The following GLI2 variants were observed in gnomAD, a reference collection of about 807,000 sequenced individuals.
GLI2 encodes transcription activator GLI2.
A neutral mutation model predicts 78.9 loss-of-function variants in GLI2; 22 were observed. The observed-to-expected ratio is 0.28, with a 90% CI of 0.20 to 0.40. GLI2 has a LOEUF of 0.40. GLI2 is among the 10% of genes least tolerant of loss of function. The pLI, the probability that GLI2 is intolerant of heterozygous loss-of-function variation, is 1.00. For missense variants in GLI2, 2,097 were observed against 2,213.2 expected, an observed-to-expected ratio of 0.95 and a Z score of 1.05; for synonymous variants, 974 against 963.7, an observed-to-expected ratio of 1.01 and a Z score of -0.20.
At position 120,990,144 on chromosome 2, in the gene GLI2, G is replaced by A. The variant is rs1290093856; in HGVS notation, c.4179G>A (p.Gln1393=). The part of the protein sequence containing the change: ...GHAMAAMPSS[Q]ETAEAVPKGA... ...CCATGGCTGCCATGCCGTCCAGTCAGGAAACAGCAGAGGCTGTGCCCAAGG... is the reference window on the plus strand; with the variant it reads ...CCATGGCTGCCATGCCGTCCAGTCAAGAAACAGCAGAGGCTGTGCCCAAGG... The change falls in exon 14 of 14, where the codon CAG becomes CAA. Residue 1393 remains glutamine, a synonymous_variant. Transcript: ENST00000361492. 1 of 1,609,896 alleles carries A rather than the reference G, an allele frequency of 6.2e-7. No homozygotes were observed.
intron 1 of GLI2, among the ~76,000 whole-genome samples, chr2:120,786,372 C>T (rs764379903): frequency 1.3e-5 from 2 of 152,120 alleles, no homozygotes; most frequent in African/African-American, 2.4e-5. Context: ...CTCCCACCAC[C>T]GCCATCATCC....
chr2:120,905,947 G>A (rs1213218970), intron 2 of GLI2, among the ~76,000 whole-genome samples: 5 of 150,138 alleles, frequency 3.3e-5, no homozygotes, highest in East Asian at 2.0e-4. Flanking sequence ...CCTGCCCGTC[G>A]TTGGGCTCCG....
intron 2 of GLI2, among the ~76,000 whole-genome samples, chr2:120,908,799 G>A (rs1191811371): frequency 2.6e-5 from 4 of 152,234 alleles, no homozygotes; most frequent in Admixed American, 2.6e-4. Context: ...AGGGTGGGTG[G>A]TTTGGTTTGG....
intron 2 of GLI2, among the ~76,000 whole-genome samples, chr2:120,831,137 A>G (rs1169149801): frequency 6.8e-6 from 1 of 147,956 alleles, no homozygotes; most frequent in Admixed American, 6.7e-5. Context: ...GTCATTCTCC[A>G]TGTTTGTCCT....
intron 2 of GLI2, among the ~76,000 whole-genome samples, chr2:120,916,196 C>CT (rs1234391909): frequency 6.6e-6 from 1 of 152,206 alleles, no homozygotes; most frequent in African/African-American, 2.4e-5. Flanking sequence ...GATATCAGGG[C>CT]TTAGTGGGTG....
intron 1 of GLI2, among the ~76,000 whole-genome samples, chr2:120,786,162 G>A (rs1683992449): frequency 6.6e-6 from 1 of 152,204 alleles, no homozygotes; most frequent in Non-Finnish European, 1.5e-5. Flanking sequence ...GGGTCTCAGC[G>A]AGTGTCAGAG....
At chr2:120,776,480 A>T (rs1683679949) in intron 1 of GLI2, among the ~76,000 whole-genome samples, 1 of 151,976 alleles carries the variant, frequency 6.6e-6, no homozygotes, top group Admixed American at 6.5e-5. Context: ...TTCCCAGTAG[A>T]CTTCTAGCCC....
chr2:120,906,034 G>A (rs1678514347), intron 2 of GLI2, among the ~76,000 whole-genome samples: 1 of 152,238 alleles, frequency 6.6e-6, no homozygotes, highest in Non-Finnish European at 1.5e-5. Context: ...CGCCAAGATG[G>A]CATGCCCTGC....
intron 3 of GLI2, among the ~76,000 whole-genome samples, chr2:120,945,264 G>A (rs912073299): frequency 8.5e-5 from 13 of 152,226 alleles, no homozygotes; most frequent in Admixed American, 8.5e-4. Flanking sequence ...GCTGCCGCTG[G>A]TCGCTAACAT....
At position 120,906,316 on chromosome 2, in the gene GLI2, C is replaced by T. The variant is rs868016127; in HGVS notation, c.149-21045C>T. ...TGAGGCCCACTCCACACATCAGGCC[C>T]GGAGCCCAGGGGTGCTGGGTGCAGA... On this transcript the variant is annotated intron_variant, in intron 2 of 13. Coordinates refer to ENST00000361492, the MANE Select transcript of GLI2 (RefSeq NM_001374353.1). Among the ~76,000 whole-genome samples the T allele has an allele frequency of 9.2e-5, 14 of 152,186 alleles. No homozygotes were observed. The South Asian group carries it at 1.0e-3, about 11-fold the overall frequency.
intron 2 of GLI2, among the ~76,000 whole-genome samples, chr2:120,881,623 TGGGGG>T (rs1573530683): frequency 4.3e-5 from 1 of 23,372 alleles, no homozygotes; most frequent in East Asian, 1.7e-3. Context: ...GGAGGACAGG[TGGGGG>T]AGGACAGTGC....
chr2:120,972,747 G>A (rs1241791224), intron 8 of GLI2: 7 of 506,692 alleles, frequency 1.4e-5, no homozygotes, highest in Admixed American at 1.0e-4. Flanking sequence ...TGGTGAGGGG[G>A]GAAGACAGGA....
chr2:120,923,761 TCA>T (rs768485628), intron 2 of GLI2, among the ~76,000 whole-genome samples: 1 of 151,068 alleles, frequency 6.6e-6, no homozygotes, highest in Non-Finnish European at 1.5e-5. Flanking sequence ...CTGCACATAC[TCA>T]CACATGCACG....
intron 6 of GLI2, 133 bp downstream of exon 6, chr2:120,969,048 T>C: frequency 1.4e-6 from 1 of 694,494 alleles, no homozygotes; most frequent in East Asian, 2.7e-5. Context: ...TGAATCCACA[T>C]ACTTGCACCT....
At chr2:120,968,992 G>A (rs568338563) in intron 6 of GLI2, 77 bp downstream of exon 6, 5 of 1,128,102 alleles carry the variant, frequency 4.4e-6, no homozygotes, top group Non-Finnish European at 6.5e-6. Flanking sequence ...TGGCTTTTCA[G>A]TGGGCGCTTT....
At chr2:120,823,880 G>T (rs1225943365) in intron 2 of GLI2, among the ~76,000 whole-genome samples, 2 of 152,176 alleles carry the variant, frequency 1.3e-5, no homozygotes, top group Non-Finnish European at 2.9e-5. Flanking sequence ...CCACAAAAGG[G>T]TTCACATTCC....
intron 4 of GLI2, 185 bp downstream of exon 4, chr2:120,951,630 C>T: frequency 1.8e-6 from 1 of 564,534 alleles, no homozygotes; most frequent in Non-Finnish European, 3.2e-6. Context: ...ATTAAAGAGC[C>T]TTTGGTAAGC....
chr2:120,903,646 C>T (rs1678371909), intron 2 of GLI2, among the ~76,000 whole-genome samples: 1 of 152,224 alleles, frequency 6.6e-6, no homozygotes, highest in Admixed American at 6.5e-5. Flanking sequence ...CACATCCTGC[C>T]TTCATTTCCA....
At position 120,797,346 on chromosome 2, in the gene GLI2, C is replaced by T. The variant is rs1684443587; in HGVS notation, c.26C>T (p.Ala9Val). The T allele has an allele frequency of 8.7e-6, 14 of 1,614,018 alleles. No homozygotes were observed. Among genetic ancestry groups the T allele is most frequent in the Non-Finnish European group, 1.2e-5 (14 of 1,179,974 alleles). Residue 9 changes from alanine to valine, a missense_variant, in exon 2 of 14, where the codon GCC (alanine) becomes GTC (valine). Physicochemically the swap from Ala to Val is moderately conservative, Grantham distance 64 (BLOSUM62 0). This residue lies in a region of GLI2 where 578 missense variants were observed against 612.0 expected (regional missense o/e 0.94). Transcript: ENST00000361492. METSASAT[A>V]SEKQEAKSGI... ...ATGGAGACGTCTGCCTCAGCCACTG[C>T]CTCCGAGAAGCAAGAAGCCAAAAGT...
Sources: allele counts gnomAD v4.1 joint callset (sites outside exome capture counted in the v4.1 genomes callset), GRCh38; gene constraint gnomAD v4.1.1; regional missense constraint gnomAD v4.1.1; transcripts MANE v1.5; gene names NCBI Gene and HGNC (gene_info 2026-07-23, HGNC 2026-07-21).